The following ABTB2 variants were observed in gnomAD, a reference collection of about 807,000 sequenced individuals.
The protein encoded by ABTB2 is ankyrin repeat and BTB domain containing 2, also known as ankyrin repeat and BTB/POZ domain-containing protein 2.
A neutral mutation model predicts 104.1 loss-of-function variants in ABTB2; 56 were observed. The observed-to-expected ratio is 0.54, with a 90% confidence interval of 0.43 to 0.67. The LOEUF is 0.67. Ranked by LOEUF, ABTB2 falls within the 30% of genes least tolerant of loss-of-function variation. The pLI, the probability that ABTB2 is intolerant of heterozygous loss-of-function variation, is 0.00. For synonymous variants in ABTB2, 606 were observed against 608.2 expected (o/e 1.00, Z 0.05); for missense variants, 1,279 against 1,407.7 (o/e 0.91, Z 1.46).
intron 16 of ABTB2, among the ~76,000 whole-genome samples, chr11:34,153,114 G>A (rs1464997959): frequency 6.6e-6 from 1 of 152,214 alleles, no homozygotes; most frequent in Non-Finnish European, 1.5e-5. Flanking sequence ...AGGATGGCTT[G>A]TGAGAGGCCA....
intron 1 of ABTB2, among the ~76,000 whole-genome samples, chr11:34,266,323 A>G (rs1048170476): frequency 6.6e-6 from 1 of 152,144 alleles, no homozygotes; most frequent in Admixed American, 6.5e-5. Flanking sequence ...GGGCTCAAGC[A>G]ATCTTCCTGC....
At chr11:34,220,006 T>A (rs1345739119) in intron 1 of ABTB2, among the ~76,000 whole-genome samples, 1 of 152,228 alleles carries the variant, frequency 6.6e-6, no homozygotes. Flanking sequence ...ACAGACTTTA[T>A]GAGAAGCAAA....
intron 1 of ABTB2, among the ~76,000 whole-genome samples, chr11:34,261,576 C>T (rs1178850966): frequency 4.0e-5 from 6 of 151,696 alleles, no homozygotes; most frequent in African/African-American, 1.5e-4. Context: ...TGATTGGCTT[C>T]CCACCTTATA....
Position 34,284,601 on chromosome 11 carries a change from TGAG to T in ABTB2, c.883+72097_883+72099del, listed in dbSNP as rs377509899. ...AAGGTGTGAGAGTGGAAGACAGAGGTGAGGAGGTCATACTTAGGGTGAGTTGTT... is the reference window on the plus strand; with the variant it reads ...AAGGTGTGAGAGTGGAAGACAGAGGTGAGGTCATACTTAGGGTGAGTTGTT... On this transcript the variant is annotated intron_variant, in intron 1 of 16. Coordinates refer to ENST00000435224, the MANE Select transcript of ABTB2 (RefSeq NM_145804.3). 6.6e-3 allele frequency among the ~76,000 whole-genome samples: 1,003 copies of T among 152,190 alleles called. 9 individuals are homozygous for T. Among genetic ancestry groups the T allele is most frequent in the African/African-American group, 0.022 (929 of 41,494 alleles).
chr11:34,231,186 C>G (rs2957522), intron 1 of ABTB2, among the ~76,000 whole-genome samples: 105,067 of 151,726 alleles, frequency 0.69, 36,439 homozygotes, highest in Middle Eastern at 0.8. Context: ...CAACCGAAAG[C>G]GCTCTCAACG....
intron 5 of ABTB2, among the ~76,000 whole-genome samples, chr11:34,168,531 T>C (rs549529241): frequency 6.6e-6 from 1 of 152,338 alleles, no homozygotes; most frequent in African/African-American, 2.4e-5. Flanking sequence ...CTGCTAGTGA[T>C]GAGCATGCAG....
chr11:34,216,980 C>T (rs1853557777), intron 1 of ABTB2, among the ~76,000 whole-genome samples: 1 of 152,134 alleles, frequency 6.6e-6, no homozygotes, highest in South Asian at 2.1e-4. Context: ...GTGGCAATGA[C>T]CTGATAACCT....
chr11:34,156,128 C>G (rs1852622757), intron 14 of ABTB2, among the ~76,000 whole-genome samples: 1 of 152,262 alleles, frequency 6.6e-6, no homozygotes, highest in Admixed American at 6.5e-5. Flanking sequence ...GGAAGGCTAC[C>G]TCCTGCTGCA....
chr11:34,330,919 T>G lies in ABTB2; in HGVS notation c.883+25782A>C, dbSNP rs1855122385. ...AAAAGTACAGGTAAGATCCCCTTCCTGATTCTCCAACTTCTTTTAACAACT... is the reference window on the plus strand; with the variant it reads ...AAAAGTACAGGTAAGATCCCCTTCCGGATTCTCCAACTTCTTTTAACAACT... On this transcript the variant is annotated intron_variant, in intron 1 of 16. Coordinates refer to ENST00000435224, the MANE Select transcript of ABTB2 (RefSeq NM_145804.3). 2.0e-5 allele frequency among the ~76,000 whole-genome samples: 3 copies of G among 152,338 alleles called. No individual in the cohort carries two copies. The South Asian group carries it at 6.2e-4, about 32-fold the overall frequency.
Position 34,159,413 on chromosome 11 carries a change from G to A in ABTB2, c.2607-27C>T, listed in dbSNP as rs775008456. 2.6e-6 allele frequency: 4 copies of A among 1,557,882 alleles called. No homozygotes were observed. In the Admixed American group the frequency reaches 6.7e-5, roughly 26 times the overall value. On this transcript the variant is annotated intron_variant, in intron 13 of 16. Transcript: ENST00000435224. ...TGGAGCAAAGGAGACAAAGCAAGGT[G>A]GGTTTTGAACCTTTTACTTCACCAC...
intron 1 of ABTB2, among the ~76,000 whole-genome samples, chr11:34,236,951 A>G (rs1219551896): frequency 6.6e-6 from 1 of 152,186 alleles, no homozygotes; most frequent in African/African-American, 2.4e-5. Flanking sequence ...AGTTTATGAG[A>G]AAGTTGAATG....
At chr11:34,185,591 G>A (rs572505397) in intron 3 of ABTB2, among the ~76,000 whole-genome samples, 1 of 152,320 alleles carries the variant, frequency 6.6e-6, no homozygotes, top group East Asian at 1.9e-4. Context: ...GTAGAGGGTA[G>A]GTCACATGTC....
intron 1 of ABTB2, among the ~76,000 whole-genome samples, chr11:34,275,735 T>C (rs1226437898): frequency 6.6e-6 from 1 of 152,170 alleles, no homozygotes; most frequent in Non-Finnish European, 1.5e-5. Flanking sequence ...TTAAGGGTGG[T>C]TGTTAATTAT....
At chr11:34,176,774 A>G (rs1297592732) in intron 3 of ABTB2, among the ~76,000 whole-genome samples, 1 of 152,242 alleles carries the variant, frequency 6.6e-6, no homozygotes. Context: ...TTCTGCCCAG[A>G]AAAGAATGGT....
chr11:34,353,624 T>A (rs187163824), intron 1 of ABTB2, among the ~76,000 whole-genome samples: 1 of 152,344 alleles, frequency 6.6e-6, no homozygotes, highest in Admixed American at 6.5e-5. Context: ...TGCAGAACTT[T>A]TATTATCCAT....
Position 34,154,834 on chromosome 11 carries a change from C to T in ABTB2, c.2698-65G>A. ...TGAGGCATGAAAGTCCTTGCCAGCC[C>T]CACAGGGTACTGCTCCAGCTGCCGC... On this transcript the variant is annotated intron_variant, in intron 14 of 16. Transcript: ENST00000435224. This position sits in a 1 kb window ranked among gnomAD's most constrained non-coding sequence, Gnocchi z 4.9. 1.3e-6 allele frequency: 2 copies of T among 1,546,998 alleles called. No individual in the cohort carries two copies. Among genetic ancestry groups the T allele is most frequent in the Non-Finnish European group, 1.8e-6 (2 of 1,121,786 alleles).
At chr11:34,224,496 ACCAT>A (rs1428179309) in intron 1 of ABTB2, among the ~76,000 whole-genome samples, 1 of 151,956 alleles carries the variant, frequency 6.6e-6, no homozygotes, top group Non-Finnish European at 1.5e-5. Flanking sequence ...CCTCTCTTTG[ACCAT>A]CCTTTCTTTC....
rs555615662 is a variant in ABTB2 at position 34,152,328 on chromosome 11, G to A, written c.*59C>T. On this transcript the variant is annotated 3_prime_UTR_variant, in exon 17 of 17. Coordinates refer to ENST00000435224, the MANE Select transcript of ABTB2 (RefSeq NM_145804.3). ...CCAAGAGGGCCTACAACCATACCCC[G>A]ACATGGTGGGCCCTGGCACCTCCAC... 4.6e-5 allele frequency: 69 copies of A among 1,511,252 alleles called. No individual in the cohort carries two copies. In the African/African-American group the frequency reaches 5.9e-4, roughly 13 times the overall value. The allele number at this position is 1,511,252 out of a possible 1,614,324, so 93.6% of individuals were successfully genotyped here. A position where few individuals can be genotyped will look rare whatever the true frequency, so the allele number is the denominator to read the frequency against.
rs145960794 is a variant in ABTB2, at chr11:34,287,606, G to C, written c.883+69095C>G. 6.0e-3 allele frequency among the ~76,000 whole-genome samples: 916 copies of C among 152,284 alleles called. 5 individuals are homozygous for C. Among genetic ancestry groups the C allele is most frequent in the African/African-American group, 0.021 (883 of 41,544 alleles). On this transcript the variant is annotated intron_variant, in intron 1 of 16. Coordinates refer to ENST00000435224, the MANE Select transcript of ABTB2 (RefSeq NM_145804.3). ...TTCTGCAACTATGAATGAGCAGTTGGTTCCAGTCACCAAATAGACCTACTT... is the reference window on the plus strand; with the variant it reads ...TTCTGCAACTATGAATGAGCAGTTGCTTCCAGTCACCAAATAGACCTACTT...
Sources: allele counts gnomAD v4.1 joint callset (sites outside exome capture counted in the v4.1 genomes callset), GRCh38; gene constraint gnomAD v4.1.1; non-coding constraint Gnocchi (gnomAD v3.1); transcripts MANE v1.5; gene names NCBI Gene and HGNC (gene_info 2026-07-23, HGNC 2026-07-21).